Variants in KSR2 observed in about 807,000 individuals in gnomAD.
KSR2 encodes the protein kinase suppressor of ras 2.
KSR2 carries 25 observed loss-of-function variants against 107.8 expected under a neutral mutation model. The observed-to-expected ratio is 0.23, with a 90% CI of 0.17 to 0.32. KSR2 has a LOEUF of 0.32. Among genes scored for constraint, KSR2 ranks in the 10% least tolerant of loss-of-function variants. The pLI, the probability that KSR2 is intolerant of heterozygous loss-of-function variation, is 1.00. For missense variants in KSR2, 887 were observed against 1,268.9 expected (o/e 0.70, Z 4.57); for synonymous variants, 480 against 507.0 (o/e 0.95, Z 0.71).
At chr12:117,633,615 C>T (rs781327840) in intron 5 of KSR2, among the ~76,000 whole-genome samples, 2 of 152,174 alleles carry the variant, frequency 1.3e-5, no homozygotes, top group Non-Finnish European at 2.9e-5. Flanking sequence ...CAATCCTTGG[C>T]TTGTGGCTGT....
chr12:117,869,278 G>A (rs2954822), intron 1 of KSR2, among the ~76,000 whole-genome samples: 125,129 of 151,978 alleles, frequency 0.82, 52,096 homozygotes, highest in African/African-American at 0.94. Flanking sequence ...AGCCTGAGGT[G>A]GGACAATTGC....
chr12:117,793,375 A>T (rs1242487283), intron 3 of KSR2, among the ~76,000 whole-genome samples: 2 of 149,640 alleles, frequency 1.3e-5, no homozygotes, highest in East Asian at 4.1e-4. Flanking sequence ...CAACATGCAC[A>T]CACACCACTG....
At chr12:117,666,552 G>A (rs574720193) in intron 5 of KSR2, among the ~76,000 whole-genome samples, 4 of 152,306 alleles carry the variant, frequency 2.6e-5, no homozygotes, top group Admixed American at 2.6e-4. Flanking sequence ...TCTGTACAAT[G>A]GGAATAATCC....
chr12:117,731,321 C>CATGCGGGAGG (rs1565984108), intron 4 of KSR2, among the ~76,000 whole-genome samples: 4 of 150,028 alleles, frequency 2.7e-5, no homozygotes, highest in African/African-American at 5.0e-5. Context: ...GCAGCCGCCC[C>CATGCGGGAGG]GTCTGAGAAG....
chr12:117,695,419 G>A (rs963472956), intron 4 of KSR2, among the ~76,000 whole-genome samples: 26 of 151,932 alleles, frequency 1.7e-4, no homozygotes, highest in Admixed American at 1.2e-3. Flanking sequence ...AAATAAATGT[G>A]TTGGGGCTGG....
chr12:117,852,987 G>C lies in KSR2; in HGVS notation c.472+2441C>G, dbSNP rs149361179. ...CAGCTAAATTTTTGTATTTTTAGTA[G>C]AGATGGGGTTTCACTATGTTGGTCA... On this transcript the variant is annotated intron_variant, in intron 3 of 19. Transcript: ENST00000339824. Among the ~76,000 whole-genome samples, 80 of 152,238 alleles carry C rather than the reference G, an allele frequency of 5.3e-4. 1 individual carries two copies. Among genetic ancestry groups the C allele is most frequent in the African/African-American group, 1.7e-3 (72 of 41,538 alleles).
intron 14 of KSR2, among the ~76,000 whole-genome samples, chr12:117,504,757 T>TCTTTGTTAAAATTTCAGTAG (rs1873574431): frequency 6.6e-6 from 1 of 152,176 alleles, no homozygotes; most frequent in South Asian, 2.1e-4. Flanking sequence ...TTTAAAAAAA[T>TCTTTGTTAAAATTTCAGTAG]CTTTGTTAAA....
At chr12:117,594,818 G>T (rs1014839129) in intron 5 of KSR2, among the ~76,000 whole-genome samples, 22 of 152,226 alleles carry the variant, frequency 1.4e-4, no homozygotes, top group African/African-American at 5.3e-4. Flanking sequence ...TTGGCAATGT[G>T]TGCAGACATT....
chr12:117,649,354 A>G (rs963368908), intron 5 of KSR2, among the ~76,000 whole-genome samples: 1 of 152,218 alleles, frequency 6.6e-6, no homozygotes, highest in Non-Finnish European at 1.5e-5. Flanking sequence ...TGTTCAATCA[A>G]TACTGATTGC....
intron 3 of KSR2, among the ~76,000 whole-genome samples, chr12:117,825,941 G>A (rs945216605): frequency 2.8e-5 from 4 of 142,786 alleles, no homozygotes; most frequent in Non-Finnish European, 6.2e-5. Flanking sequence ...GTGGGTAGAC[G>A]GGTGAACAGG....
intron 4 of KSR2, among the ~76,000 whole-genome samples, chr12:117,745,739 G>C (rs936641891): frequency 2.0e-5 from 3 of 152,028 alleles, no homozygotes; most frequent in African/African-American, 7.2e-5. Flanking sequence ...AAAGTCTCAG[G>C]ATACAAAATC....
At chr12:117,715,984 A>G (rs1886963933) in intron 4 of KSR2, among the ~76,000 whole-genome samples, 1 of 152,072 alleles carries the variant, frequency 6.6e-6, no homozygotes, top group Non-Finnish European at 1.5e-5. Context: ...TATCCCCCCG[A>G]CACCTCCACT....
intron 4 of KSR2, among the ~76,000 whole-genome samples, chr12:117,695,512 C>A (rs7963618): frequency 0.28 from 42,445 of 149,322 alleles, 6,114 homozygotes; most frequent in African/African-American, 0.31. Context: ...TCAAGACCAG[C>A]CTGGGAAACA....
chr12:117,833,129 C>T (rs1041837785), intron 3 of KSR2, among the ~76,000 whole-genome samples: 1 of 152,184 alleles, frequency 6.6e-6, no homozygotes, highest in Admixed American at 6.5e-5. Context: ...CCAAGCTGTG[C>T]GGCCTTTGCT....
intron 4 of KSR2, among the ~76,000 whole-genome samples, chr12:117,737,766 G>A (rs1161004725): frequency 8.0e-6 from 1 of 124,336 alleles, no homozygotes; most frequent in African/African-American, 3.0e-5. Flanking sequence ...CTGGGTGAGA[G>A]AGCAAAATCC....
At chr12:117,840,821 T>C (rs900122714) in intron 3 of KSR2, among the ~76,000 whole-genome samples, 1 of 151,364 alleles carries the variant, frequency 6.6e-6, no homozygotes, top group Middle Eastern at 3.4e-3. Flanking sequence ...GCCAACATGG[T>C]GAAACCCCGT....
chr12:117,777,107 T>TATATATATATATATATATATATATATAC (rs58787858), intron 3 of KSR2, among the ~76,000 whole-genome samples: 1 of 66,152 alleles, frequency 1.5e-5, no homozygotes, highest in African/African-American at 6.0e-5. Flanking sequence ...TATATATATA[T>TATATATATATATATATATATATATATAC]ACACACACAC....
At chr12:117,570,813 C>A (rs1054964174) in intron 7 of KSR2, among the ~76,000 whole-genome samples, 1 of 152,188 alleles carries the variant, frequency 6.6e-6, no homozygotes, top group African/African-American at 2.4e-5. Flanking sequence ...AGTCACACAG[C>A]GAGGGAGTGG....
intron 3 of KSR2, among the ~76,000 whole-genome samples, chr12:117,807,018 G>A (rs957031463): frequency 1.3e-5 from 2 of 152,144 alleles, no homozygotes; most frequent in South Asian, 4.2e-4. Flanking sequence ...AGACACAGGC[G>A]CCTGTTCCGC....
Sources: gnomAD v4.1 joint callset for allele counts (sites outside exome capture counted in the v4.1 genomes callset) on GRCh38, gnomAD v4.1.1 for gene constraint, MANE v1.5 for transcripts, NCBI Gene and HGNC (gene_info 2026-07-23, HGNC 2026-07-21) for gene names.